ALKBH3: variants seen among roughly 807,000 people sequenced by gnomAD.
ALKBH3 encodes the protein alkB homolog 3, alpha-ketoglutarate dependent dioxygenase.
In ALKBH3, 51 loss-of-function variants were observed where a neutral mutation model predicts 43.9. The ratio of observed to expected loss-of-function variants is 1.16; its 90% confidence interval spans 0.93 to 1.47. The LOEUF (loss-of-function observed/expected upper bound fraction) is 1.47. ALKBH3 is among the 40% of genes most tolerant of loss of function. The probability of loss-of-function intolerance (pLI) is 0.00; values close to 1 mark genes in which losing one functional copy is unlikely to be tolerated. For missense variants in ALKBH3, 361 were observed against 351.9 expected (o/e 1.03, Z -0.21); for synonymous variants, 102 against 115.2 (o/e 0.89, Z 0.73).
intron 8 of ALKBH3, chr11:43,909,413 C>T (rs1283442077): frequency 6.6e-6 from 1 of 152,184 alleles, no homozygotes; most frequent in East Asian, 1.9e-4. Context: ...TGTATCAGCA[C>T]TAGAGGAACA....
intron 8 of ALKBH3, among the ~76,000 whole-genome samples, chr11:43,904,181 A>G (rs1173224718): frequency 6.6e-6 from 1 of 152,192 alleles, no homozygotes; most frequent in Non-Finnish European, 1.5e-5. Context: ...AAGTCCACAT[A>G]ATTGTCTGCC....
chr11:43,898,678 A>G (rs1352472362), intron 7 of ALKBH3: 3 of 717,386 alleles, frequency 4.2e-6, no homozygotes, highest in Non-Finnish European at 7.8e-6. Context: ...GCTGCGGTGG[A>G]TCATCGAGGT....
intron 8 of ALKBH3, among the ~76,000 whole-genome samples, chr11:43,917,903 T>C (rs1045517378): frequency 5.9e-5 from 9 of 152,252 alleles, no homozygotes; most frequent in African/African-American, 2.2e-4. Flanking sequence ...CTGCCAAAAG[T>C]TGGGGCCTGG....
In ALKBH3 at chr11:43,900,683, CTT is replaced by C. The variant is rs1180809778; in HGVS notation, c.460-831_460-830del. Among the ~76,000 whole-genome samples the C allele has an allele frequency of 3.9e-5, 6 of 152,042 alleles. No homozygotes were observed. In the East Asian group the frequency reaches 7.7e-4, roughly 20 times the overall value. ...TTGAGAACCACTGTTCTAAAGGAAGCTTTGTAAAGTACTCGAGATTTCTGGGA... is the reference window on the plus strand; with the variant it reads ...TTGAGAACCACTGTTCTAAAGGAAGCTGTAAAGTACTCGAGATTTCTGGGA... On this transcript the variant is annotated intron_variant, in intron 7 of 9. Coordinates refer to ENST00000302708, the MANE Select transcript of ALKBH3 (RefSeq NM_139178.4).
In ALKBH3 at chr11:43,919,155, T is replaced by C; in HGVS notation, c.768+19T>C. 1 of 1,590,764 alleles carries C rather than the reference T, an allele frequency of 6.3e-7. No individual in the cohort carries two copies. The highest frequency in any genetic ancestry group is 8.6e-7 in the Non-Finnish European group (1 of 1,159,296). ...CTGGCAGGTGAGGATCTGCAAGTAA[T>C]ATGAATCTGCTTTCATGTGGAGGCA... On this transcript the variant is annotated intron_variant, in intron 9 of 9. Coordinates refer to ENST00000302708, the MANE Select transcript of ALKBH3 (RefSeq NM_139178.4).
At chr11:43,883,025 G>T in intron 2 of ALKBH3, 60 bp from the exon 3 acceptor site, 3 of 1,403,160 alleles carry the variant, frequency 2.1e-6, no homozygotes, top group Admixed American at 3.7e-5. Flanking sequence ...CCCTTGCTCA[G>T]TAGAAGGTGC....
chr11:43,882,745 G>A lies in ALKBH3; in HGVS notation c.79+14G>A, dbSNP rs1167108279. On this transcript the variant is annotated intron_variant, in intron 2 of 9. Transcript: ENST00000302708. ...TTGCTCAGCCAGGCAAGAATCTGTA[G>A]GGATTTTGTGTGTGTGTGGATATGG... 6.2e-7 allele frequency: 1 copy of A among 1,606,638 alleles called. No individual in the cohort carries two copies. Among genetic ancestry groups the A allele is most frequent in the East Asian group, 2.2e-5 (1 of 44,712 alleles).
At chr11:43,884,156 A>G in intron 4 of ALKBH3, 139 bp downstream of exon 4, 1 of 1,010,282 alleles carries the variant, frequency 9.9e-7, no homozygotes, top group South Asian at 1.6e-5. Context: ...TCCCATCTCA[A>G]ATGTCTTTAA....
At chr11:43,914,822 T>A (rs542470186) in intron 8 of ALKBH3, among the ~76,000 whole-genome samples, 1 of 152,086 alleles carries the variant, frequency 6.6e-6, no homozygotes, top group Non-Finnish European at 1.5e-5. Flanking sequence ...AAAACAGTGT[T>A]AACACCCCCA....
At chr11:43,884,644 G>GAT (rs1387864878) in intron 4 of ALKBH3, among the ~76,000 whole-genome samples, 1 of 152,162 alleles carries the variant, frequency 6.6e-6, no homozygotes, top group South Asian at 2.1e-4. Flanking sequence ...ATTAGCATCA[G>GAT]ATATATGTTC....
At chr11:43,905,472 G>A (rs980974106) in intron 8 of ALKBH3, among the ~76,000 whole-genome samples, 3 of 151,540 alleles carry the variant, frequency 2.0e-5, no homozygotes, top group African/African-American at 7.3e-5. Context: ...TGTGGTCCAA[G>A]TCTGCCAAGT....
In ALKBH3 at chr11:43,896,385, G is replaced by A. The variant is rs1351990715; in HGVS notation, c.459+4256G>A. Among the ~76,000 whole-genome samples, 6 of 152,074 alleles carry A rather than the reference G, an allele frequency of 3.9e-5. No homozygotes were observed. The East Asian group carries it at 1.2e-3, about 29-fold the overall frequency. On this transcript the variant is annotated intron_variant, in intron 7 of 9. Transcript: ENST00000302708. Reference sequence around the variant, plus strand: ...AGGCTGTCTGCAAGCCGAGGAGCAAGGAGAGCCAGTCTGAGTCCCAAAACT... The same window carrying A: ...AGGCTGTCTGCAAGCCGAGGAGCAAAGAGAGCCAGTCTGAGTCCCAAAACT...
At chr11:43,886,017 A>G (rs904976865) in intron 4 of ALKBH3, among the ~76,000 whole-genome samples, 7 of 152,182 alleles carry the variant, frequency 4.6e-5, no homozygotes, top group African/African-American at 7.2e-5. Flanking sequence ...CAGCATGGAA[A>G]AGCATGGAGT....
chr11:43,903,648 A>G (rs1203103675), intron 8 of ALKBH3, among the ~76,000 whole-genome samples: 1 of 152,126 alleles, frequency 6.6e-6, no homozygotes, highest in Non-Finnish European at 1.5e-5. Context: ...TGGTATAATA[A>G]TGGTTTTTAG....
intron 7 of ALKBH3, chr11:43,899,380 G>GCTC: frequency 1.4e-6 from 1 of 701,994 alleles, no homozygotes; most frequent in Non-Finnish European, 2.7e-6. Context: ...TGGATGATGT[G>GCTC]CTCGCGTCCC....
At chr11:43,899,004 T>G in intron 7 of ALKBH3, 2 of 753,038 alleles carry the variant, frequency 2.7e-6, no homozygotes, top group East Asian at 2.5e-5. Flanking sequence ...CATCTACCAC[T>G]CTGCAAGCAT....
At position 43,889,176 on chromosome 11, in the gene ALKBH3, C is replaced by T. The variant is rs531125689; in HGVS notation, c.267-549C>T. 3.9e-5 allele frequency among the ~76,000 whole-genome samples: 6 copies of T among 152,300 alleles called. No individual in the cohort carries two copies. In the South Asian group the frequency reaches 8.3e-4, roughly 21 times the overall value. On this transcript the variant is annotated intron_variant, in intron 5 of 9. Transcript: ENST00000302708. ...CCAAGTAGTTGGAACTACAGGCATG[C>T]GCCACCACGCCCAGCTGATTTTGTA...
chr11:43,913,579 A>C (rs1951958655), intron 8 of ALKBH3, among the ~76,000 whole-genome samples: 3 of 152,334 alleles, frequency 2.0e-5, no homozygotes, highest in African/African-American at 7.2e-5. Context: ...ATTTCCCCAC[A>C]GTTTCTACCT....
intron 4 of ALKBH3, among the ~76,000 whole-genome samples, chr11:43,885,086 G>A (rs1237116327): frequency 2.6e-5 from 4 of 152,142 alleles, no homozygotes; most frequent in African/African-American, 9.7e-5. Context: ...AAGTGTGTTA[G>A]TGCCTTCATT....
Sources: allele counts gnomAD v4.1 joint callset (sites outside exome capture counted in the v4.1 genomes callset), GRCh38; gene constraint gnomAD v4.1.1; transcripts MANE v1.5; gene names NCBI Gene and HGNC (gene_info 2026-07-23, HGNC 2026-07-21).